Variants in CCDC6 observed in about 807,000 individuals in gnomAD.
The protein encoded by CCDC6 is coiled-coil domain-containing protein 6.
CCDC6 carries 20 observed loss-of-function variants against 56.6 expected under a neutral mutation model. The observed-to-expected ratio is 0.35, with a 90% CI of 0.25 to 0.51. CCDC6 has a LOEUF of 0.51. Among genes scored for constraint, CCDC6 ranks in the 20% least tolerant of loss-of-function variants. The pLI is 0.95. For synonymous variants in CCDC6, 241 were observed against 234.4 expected (o/e 1.03, Z -0.26); for missense variants, 367 against 601.1 (o/e 0.61, Z 4.07).
chr10:59,798,285 C>T (rs930361707), intron 7 of CCDC6, among the ~76,000 whole-genome samples: 7 of 152,188 alleles, frequency 4.6e-5, no homozygotes, highest in South Asian at 2.1e-4. Context: ...TTCTGAATTA[C>T]GTAAAAACAA....
intron 3 of CCDC6, among the ~76,000 whole-genome samples, chr10:59,830,892 A>G (rs2070829844): frequency 6.6e-6 from 1 of 152,226 alleles, no homozygotes; most frequent in Non-Finnish European, 1.5e-5. Flanking sequence ...CAAATACCAG[A>G]GAGAAGCTAT....
intron 7 of CCDC6, among the ~76,000 whole-genome samples, chr10:59,796,003 G>A (rs901683691): frequency 6.6e-6 from 1 of 152,134 alleles, no homozygotes; most frequent in Non-Finnish European, 1.5e-5. Flanking sequence ...GTAATGGGAT[G>A]GCTGGGTCAA....
chr10:59,805,621 T>G (rs2070615082), intron 6 of CCDC6: 1 of 152,244 alleles, frequency 6.6e-6, no homozygotes. Context: ...GTATTCTAGC[T>G]GGCAGTTTTA....
At chr10:59,812,608 A>C (rs760852119) in intron 5 of CCDC6, 27 bp downstream of exon 5, 1 of 1,555,726 alleles carries the variant, frequency 6.4e-7, no homozygotes, top group South Asian at 1.2e-5. Context: ...TACAGGCATG[A>C]AACTAGTGAA....
At chr10:59,855,934 C>T (rs889427369) in intron 1 of CCDC6, among the ~76,000 whole-genome samples, 7 of 152,158 alleles carry the variant, frequency 4.6e-5, no homozygotes, top group Admixed American at 3.3e-4. Context: ...TCCTGGGAGG[C>T]CGAGGCTTTG....
chr10:59,795,185 T>C (rs2070503384), intron 7 of CCDC6, among the ~76,000 whole-genome samples: 1 of 151,940 alleles, frequency 6.6e-6, no homozygotes, highest in South Asian at 2.1e-4. Context: ...ACCTATAGAA[T>C]GGGAGGAGAT....
chr10:59,824,051 C>T (rs1293171540), intron 3 of CCDC6, among the ~76,000 whole-genome samples: 1 of 152,194 alleles, frequency 6.6e-6, no homozygotes, highest in East Asian at 1.9e-4. Flanking sequence ...CCCCTTCCAT[C>T]ATGTAACATC....
At chr10:59,858,833 T>C (rs964971655) in intron 1 of CCDC6, among the ~76,000 whole-genome samples, 4 of 152,232 alleles carry the variant, frequency 2.6e-5, no homozygotes, top group African/African-American at 7.2e-5. Flanking sequence ...TATTTTCTTA[T>C]GGGCAAGGGA....
intron 2 of CCDC6, among the ~76,000 whole-genome samples, chr10:59,846,997 A>G (rs915949551): frequency 1.8e-4 from 27 of 152,224 alleles, no homozygotes; most frequent in African/African-American, 6.5e-4. Context: ...GAGATAATTG[A>G]TAAGTCTTCC....
intron 3 of CCDC6, among the ~76,000 whole-genome samples, chr10:59,820,982 T>C (rs1773002723): frequency 6.6e-6 from 1 of 151,998 alleles, no homozygotes; most frequent in South Asian, 2.1e-4. Flanking sequence ...CTAAAGGCCA[T>C]TAAAAGCTTA....
intron 1 of CCDC6, among the ~76,000 whole-genome samples, chr10:59,859,148 G>A (rs1438818119): frequency 6.6e-6 from 1 of 151,532 alleles, no homozygotes; most frequent in Non-Finnish European, 1.5e-5. Context: ...TGAACACAAG[G>A]ATTAATGAGA....
At chr10:59,804,000 C>T (rs549676573) in intron 7 of CCDC6, among the ~76,000 whole-genome samples, 1 of 152,208 alleles carries the variant, frequency 6.6e-6, no homozygotes, top group South Asian at 2.1e-4. Context: ...ATGATGACTA[C>T]ATTAATTATT....
At chr10:59,876,489 G>A (rs897346608) in intron 1 of CCDC6, among the ~76,000 whole-genome samples, 1 of 150,558 alleles carries the variant, frequency 6.6e-6, no homozygotes, top group African/African-American at 2.5e-5. Context: ...AAGGATACCA[G>A]GCCCAGGTGT....
intron 1 of CCDC6, among the ~76,000 whole-genome samples, chr10:59,889,157 C>G (rs78838202): frequency 0.052 from 7,978 of 152,262 alleles, 282 homozygotes; most frequent in Middle Eastern, 0.099. Flanking sequence ...GGTACATGCT[C>G]TGTGTCAGAA....
At chr10:59,817,147 C>T (rs1290332779) in intron 3 of CCDC6, among the ~76,000 whole-genome samples, 2 of 152,196 alleles carry the variant, frequency 1.3e-5, no homozygotes, top group Non-Finnish European at 2.9e-5. Flanking sequence ...ATTCATCATA[C>T]ACTTTGGCCA....
intron 1 of CCDC6, among the ~76,000 whole-genome samples, chr10:59,878,267 A>G (rs1444743052): frequency 1.3e-5 from 2 of 152,242 alleles, no homozygotes; most frequent in Non-Finnish European, 2.9e-5. Context: ...AGACCTCATT[A>G]TTACAAATAT....
At chr10:59,903,491 G>C (rs1469675327) in intron 1 of CCDC6, among the ~76,000 whole-genome samples, 1 of 152,040 alleles carries the variant, frequency 6.6e-6, no homozygotes, top group Middle Eastern at 3.2e-3. Flanking sequence ...ACAAGTCGGG[G>C]GAAAAAAAGA....
At chr10:59,802,885 G>A (rs187250507) in intron 7 of CCDC6, among the ~76,000 whole-genome samples, 6 of 152,224 alleles carry the variant, frequency 3.9e-5, no homozygotes, top group South Asian at 2.1e-4. Flanking sequence ...AAGGCTTTAC[G>A]TTTAAATAAA....
intron 1 of CCDC6, among the ~76,000 whole-genome samples, chr10:59,876,726 G>T (rs955932803): frequency 6.6e-6 from 1 of 151,928 alleles, no homozygotes; most frequent in Non-Finnish European, 1.5e-5. Flanking sequence ...GCACAGCAAT[G>T]TATTAAAATT....
Sources: allele counts gnomAD v4.1 joint callset (sites outside exome capture counted in the v4.1 genomes callset), GRCh38; gene constraint gnomAD v4.1.1; transcripts MANE v1.5; gene names NCBI Gene and HGNC (gene_info 2026-07-23, HGNC 2026-07-21).